RBFOX1: variants seen among roughly 807,000 people sequenced by gnomAD.
RBFOX1 encodes the protein RNA binding fox-1 homolog 1.
RBFOX1 carries 8 observed loss-of-function variants against 57.7 expected under a neutral mutation model. That is an observed-to-expected ratio of 0.14 (90% CI 0.08 to 0.25). The LOEUF (loss-of-function observed/expected upper bound fraction) is 0.25. Among genes scored for constraint, RBFOX1 ranks in the 10% least tolerant of loss-of-function variants. RBFOX1 has a pLI of 1.00. For missense variants in RBFOX1, 611 were observed against 548.5 expected, an observed-to-expected ratio of 1.11 and a Z score of -1.14; for synonymous variants, 326 against 222.4, an observed-to-expected ratio of 1.47 and a Z score of -4.15.
intron 4 of RBFOX1, among the ~76,000 whole-genome samples, chr16:7,138,805 G>C (rs1476395333): frequency 6.6e-6 from 1 of 152,072 alleles, no homozygotes; most frequent in African/African-American, 2.4e-5. Flanking sequence ...TCTGCTGCTG[G>C]ATAAACTCAG....
At chr16:6,926,025 C>T (rs1006879082) in intron 3 of RBFOX1, among the ~76,000 whole-genome samples, 1 of 152,032 alleles carries the variant, frequency 6.6e-6, no homozygotes, top group South Asian at 2.1e-4. Context: ...CCTCAACTTG[C>T]TGGCTGGGCT....
At chr16:6,792,971 G>A (rs539683459) in intron 3 of RBFOX1, among the ~76,000 whole-genome samples, 2 of 151,530 alleles carry the variant, frequency 1.3e-5, no homozygotes, top group African/African-American at 2.4e-5. Context: ...AGAGGTTGCA[G>A]TGAGCTGAGA....
chr16:7,515,478 T>C (rs78610172), intron 4 of RBFOX1, among the ~76,000 whole-genome samples: 10 of 146,716 alleles, frequency 6.8e-5, no homozygotes, highest in East Asian at 4.0e-4. Flanking sequence ...CACACACACA[T>C]ACACACACAC....
intron 14 of RBFOX1, among the ~76,000 whole-genome samples, chr16:7,706,107 C>A (rs749764558): frequency 2.0e-5 from 3 of 152,176 alleles, no homozygotes; most frequent in Non-Finnish European, 4.4e-5. Flanking sequence ...CTTGGCATAT[C>A]TGCTGCAAAC....
intron 1 of RBFOX1, among the ~76,000 whole-genome samples, chr16:5,454,890 CTTTCTTTCTTTCTTTCTT>C (rs1567535066): frequency 1.1e-5 from 1 of 91,518 alleles, no homozygotes; most frequent in East Asian, 3.1e-4. Context: ...TTCTTTCTTT[CTTTCTTTCTTTCTTTCTT>C]TCTTTCCTTT....
At chr16:6,961,491 A>G (rs2083000365) in intron 3 of RBFOX1, among the ~76,000 whole-genome samples, 1 of 152,244 alleles carries the variant, frequency 6.6e-6, no homozygotes, top group Non-Finnish European at 1.5e-5. Context: ...GTTCTTGGAA[A>G]TTGCAGAAGA....
intron 3 of RBFOX1, among the ~76,000 whole-genome samples, chr16:6,665,703 A>AAAT (rs1277676667): frequency 2.6e-5 from 4 of 151,948 alleles, no homozygotes; most frequent in Non-Finnish European, 1.5e-5. Flanking sequence ...AAAGGAAAAT[A>AAAT]AATAATAATA....
intron 3 of RBFOX1, among the ~76,000 whole-genome samples, chr16:7,011,963 G>A (rs1286706178): frequency 2.0e-5 from 3 of 152,160 alleles, no homozygotes; most frequent in African/African-American, 4.8e-5. Flanking sequence ...TTAATCCTCT[G>A]ACATTGGCTA....
In RBFOX1 at chr16:6,453,981, G is replaced by C. The variant is rs539675975; in HGVS notation, c.-64+136924G>C. On this transcript the variant is annotated intron_variant, in intron 2 of 15. Coordinates refer to ENST00000550418, the MANE Select transcript of RBFOX1 (RefSeq NM_018723.4). ...AGTCCAAATCCAAGGCGTTGGCATG[G>C]TTGGTTTGTTCTGAGGCTTTCCTGC... 1.4e-3 allele frequency among the ~76,000 whole-genome samples: 207 copies of C among 152,320 alleles called. 1 individual carries two copies. Among genetic ancestry groups the C allele is most frequent in the African/African-American group, 4.8e-3 (198 of 41,576 alleles).
At chr16:6,227,509 G>T (rs767759624) in intron 1 of RBFOX1, among the ~76,000 whole-genome samples, 41 of 152,200 alleles carry the variant, frequency 2.7e-4, no homozygotes, top group Non-Finnish European at 5.9e-5. Flanking sequence ...CGTGGAGCCA[G>T]TGATACAGAA....
intron 3 of RBFOX1, among the ~76,000 whole-genome samples, chr16:7,034,017 A>G (rs2043536114): frequency 6.6e-6 from 1 of 152,180 alleles, no homozygotes; most frequent in African/African-American, 2.4e-5. Context: ...TACTTAGTGA[A>G]TACTTGGATT....
intron 3 of RBFOX1, among the ~76,000 whole-genome samples, chr16:5,726,642 T>C (rs2052162643): frequency 6.6e-6 from 1 of 152,340 alleles, no homozygotes; most frequent in East Asian, 1.9e-4. Context: ...ACCTGTACAC[T>C]AACACTATTA....
chr16:7,199,970 C>T (rs535140723), intron 4 of RBFOX1, among the ~76,000 whole-genome samples: 49 of 152,296 alleles, frequency 3.2e-4, no homozygotes, highest in Non-Finnish European at 5.3e-4. Flanking sequence ...TGTTGGGGAA[C>T]ACTTTTGTAA....
At chr16:6,485,327 G>C (rs1376806586) in intron 2 of RBFOX1, among the ~76,000 whole-genome samples, 1 of 151,746 alleles carries the variant, frequency 6.6e-6, no homozygotes, top group South Asian at 2.1e-4. Context: ...CATGTAGAAG[G>C]AGCTCCTCCC....
intron 2 of RBFOX1, among the ~76,000 whole-genome samples, chr16:6,444,577 C>A (rs1424431575): frequency 6.6e-6 from 1 of 152,130 alleles, no homozygotes; most frequent in Non-Finnish European, 1.5e-5. Context: ...TCCTCTTTGC[C>A]TTCTGCCATG....
chr16:7,477,745 C>T (rs991914265), intron 4 of RBFOX1, among the ~76,000 whole-genome samples: 4 of 152,148 alleles, frequency 2.6e-5, no homozygotes, highest in Non-Finnish European at 2.9e-5. Context: ...CAACATCATC[C>T]ACTGCAAATA....
At chr16:5,920,085 C>A (rs1465866072) in intron 4 of RBFOX1, among the ~76,000 whole-genome samples, 1 of 152,182 alleles carries the variant, frequency 6.6e-6, no homozygotes, top group Non-Finnish European at 1.5e-5. Context: ...AGGCGCCCGC[C>A]ACCACACCCA....
intron 4 of RBFOX1, among the ~76,000 whole-genome samples, chr16:5,921,526 G>A (rs904565464): frequency 6.6e-6 from 1 of 152,168 alleles, no homozygotes. Flanking sequence ...ATTTTGAATG[G>A]AGCCAGTCAC....
At chr16:7,706,281 A>G (rs765362141) in intron 14 of RBFOX1, among the ~76,000 whole-genome samples, 40 of 152,232 alleles carry the variant, frequency 2.6e-4, no homozygotes, top group Non-Finnish European at 5.6e-4. Flanking sequence ...TAATCATAAT[A>G]AAACCATTGG....
Sources: gnomAD v4.1 joint callset for allele counts (sites outside exome capture counted in the v4.1 genomes callset) on GRCh38, gnomAD v4.1.1 for gene constraint, MANE v1.5 for transcripts, NCBI Gene and HGNC (gene_info 2026-07-23, HGNC 2026-07-21) for gene names.